ITGB5: variants seen among roughly 807,000 people sequenced by gnomAD.
ITGB5 encodes integrin subunit beta 5.
In ITGB5, 38 loss-of-function variants were observed where a neutral mutation model predicts 84.8. The ratio of observed to expected loss-of-function variants is 0.45; its 90% CI spans 0.35 to 0.59. The LOEUF (loss-of-function observed/expected upper bound fraction) is 0.59, where lower values mean the gene tolerates loss of function less well. ITGB5 is among the 20% of genes least tolerant of loss of function. The pLI is 0.01. For missense variants in ITGB5, 905 were observed against 1,034.5 expected (o/e 0.87, Z 1.72); for synonymous variants, 393 against 414.4 (o/e 0.95, Z 0.63).
intron 1 of ITGB5, among the ~76,000 whole-genome samples, chr3:124,900,322 T>C (rs1357805958): frequency 6.6e-6 from 1 of 152,190 alleles, no homozygotes; most frequent in Non-Finnish European, 1.5e-5. Flanking sequence ...TACTTCATAA[T>C]TATCGTGAGA....
chr3:124,764,222 G>A (rs2150918033), intron 14 of ITGB5, among the ~76,000 whole-genome samples, 169 bp downstream of exon 14: 1 of 152,294 alleles, frequency 6.6e-6, no homozygotes, highest in Admixed American at 6.5e-5. Context: ...ACTCTGCACT[G>A]GGGCTGTGCA....
At chr3:124,779,844 G>A (rs746791309) in intron 10 of ITGB5, among the ~76,000 whole-genome samples, 8 of 152,156 alleles carry the variant, frequency 5.3e-5, no homozygotes, top group Non-Finnish European at 1.2e-4. Flanking sequence ...GGTCTTTTTG[G>A]AGGATGTTCA....
At chr3:124,773,575 G>A in intron 11 of ITGB5, 115 bp downstream of exon 11, 2 of 854,540 alleles carry the variant, frequency 2.3e-6, no homozygotes, top group East Asian at 2.5e-5. Context: ...AGGCTTGCTG[G>A]GTGGGAGATG....
chr3:124,777,807 G>A (rs1181785009), intron 10 of ITGB5, among the ~76,000 whole-genome samples: 1 of 152,180 alleles, frequency 6.6e-6, no homozygotes, highest in Non-Finnish European at 1.5e-5. Flanking sequence ...AGCTACATAG[G>A]CCTGGTCACA....
At chr3:124,869,828 C>T (rs1276487341) in intron 2 of ITGB5, among the ~76,000 whole-genome samples, 1 of 152,118 alleles carries the variant, frequency 6.6e-6, no homozygotes, top group African/African-American at 2.4e-5. Context: ...TTACTGTCAG[C>T]ATCAGGAAGT....
At position 124,873,510 on chromosome 3, in the gene ITGB5, C is replaced by T. The variant is rs758160985; in HGVS notation, c.92G>A (p.Gly31Glu). Residue 31 changes from glycine (G) to glutamate (E), a missense_variant, in exon 2 of 15, where the codon GGA (glycine) becomes GAA (glutamate). Coordinates refer to ENST00000296181, the MANE Select transcript of ITGB5 (RefSeq NM_002213.5). ...RLAGLNICTS[G>E]SATSCEECLL... is the part of the protein sequence containing the mutation. Reference sequence around the variant, plus strand: ...ACATTCTTCACATGAGGTGGCACTTCCACTAGTGCATATGTTGAGACCTTT... The same window carrying T: ...ACATTCTTCACATGAGGTGGCACTTTCACTAGTGCATATGTTGAGACCTTT... 6.2e-7 allele frequency: 1 copy of T among 1,613,604 alleles called. No individual in the cohort carries two copies. The highest frequency in any genetic ancestry group is 1.7e-5 in the Admixed American group (1 of 60,000).
intron 1 of ITGB5, among the ~76,000 whole-genome samples, chr3:124,875,844 C>A (rs1443016944): frequency 3.3e-5 from 5 of 152,148 alleles, no homozygotes; most frequent in Non-Finnish European, 7.3e-5. Context: ...AAAATCCTGT[C>A]ATTTGGGACA....
intron 4 of ITGB5, among the ~76,000 whole-genome samples, chr3:124,844,708 G>C (rs566867493): frequency 1.3e-5 from 2 of 152,190 alleles, no homozygotes; most frequent in South Asian, 2.1e-4. Context: ...CACTGGAATA[G>C]GGCTGTCTGC....
intron 5 of ITGB5, among the ~76,000 whole-genome samples, chr3:124,834,126 G>A (rs1050144489): frequency 6.6e-5 from 10 of 152,132 alleles, no homozygotes; most frequent in African/African-American, 2.4e-4. Flanking sequence ...AAGCTACTCT[G>A]TGTGATATTT....
At position 124,776,245 on chromosome 3, in the gene ITGB5, T is replaced by TCCA. The variant is rs1270016178; in HGVS notation, c.1694-2336_1694-2334dup. On this transcript the variant is annotated intron_variant, in intron 10 of 14. Coordinates refer to ENST00000296181, the MANE Select transcript of ITGB5 (RefSeq NM_002213.5). ...GGAGAGGGCGGTCCTGCCCCTCCTC[T>TCCA]CCACCAGTCTGGGACCAGCACCACT... is the stretch of plus-strand genomic sequence containing the variant. Among the ~76,000 whole-genome samples, 3 of 152,088 alleles carry TCCA rather than the reference T, an allele frequency of 2.0e-5. No homozygotes were observed. The East Asian group carries it at 5.8e-4, about 29-fold the overall frequency.
At chr3:124,892,929 CG>C (rs1395952763) in intron 1 of ITGB5, among the ~76,000 whole-genome samples, 6 of 152,006 alleles carry the variant, frequency 3.9e-5, no homozygotes, top group African/African-American at 7.2e-5. Flanking sequence ...AAAAAGAGTT[CG>C]GGGCAGAAAA....
rs140277079 is a variant in ITGB5 at position 124,765,216 on chromosome 3, C to T, written c.2138-659G>A. On this transcript the variant is annotated intron_variant, in intron 13 of 14. Transcript: ENST00000296181. ...CTGCTCCACCCCTGCCTCCCTACCC[C>T]CAAGAAGAATGTAAGGGGTGATATC... is the stretch of plus-strand genomic sequence containing the variant. Among the ~76,000 whole-genome samples, 179 of 152,256 alleles carry T rather than the reference C, an allele frequency of 1.2e-3. 1 individual carries two copies. The highest frequency in any genetic ancestry group is 4.1e-3 in the African/African-American group (169 of 41,534).
chr3:124,898,892 G>A (rs1274933746), intron 1 of ITGB5, among the ~76,000 whole-genome samples: 2 of 151,020 alleles, frequency 1.3e-5, no homozygotes, highest in African/African-American at 2.4e-5. Flanking sequence ...CCTGACTAAC[G>A]TGGTGAAACC....
At position 124,764,554 on chromosome 3, in the gene ITGB5, C is replaced by T. The variant is rs1316902059; in HGVS notation, c.2141G>A (p.Cys714Tyr). 2 of 1,607,748 alleles carry T rather than the reference C, an allele frequency of 1.2e-6. No homozygotes were observed. Among genetic ancestry groups the T allele is most frequent in the Admixed American group, 1.7e-5 (1 of 59,910 alleles). The change falls in exon 14 of 15, where the codon TGT becomes TAT. Residue 714 changes from cysteine to tyrosine, a missense_variant. Transcript: ENST00000296181. ...SNLTVLREPE[C>Y]GNTPNAMTIL... The stretch of plus-strand genomic sequence containing the variant: ...GGTCATGGCGTTGGGGGTGTTTCCA[C>T]ACTCTGGGGGGACCAGAAGCATGGT...
chr3:124,821,859 C>G (rs1297451945), intron 5 of ITGB5, among the ~76,000 whole-genome samples: 1 of 150,034 alleles, frequency 6.7e-6, no homozygotes, highest in African/African-American at 2.5e-5. Context: ...AACTTTTAAC[C>G]TTTCCCCCAA....
intron 5 of ITGB5, among the ~76,000 whole-genome samples, chr3:124,822,489 T>C (rs2064722202): frequency 6.6e-6 from 1 of 152,212 alleles, no homozygotes; most frequent in Admixed American, 6.5e-5. Context: ...CATCCTCTCT[T>C]ACTTATCATC....
chr3:124,881,768 G>A (rs1056425679), intron 1 of ITGB5, among the ~76,000 whole-genome samples: 5 of 152,060 alleles, frequency 3.3e-5, no homozygotes, highest in Non-Finnish European at 5.9e-5. Context: ...AGGAGTTCAA[G>A]ACCAGCCTGG....
chr3:124,798,355 A>C (rs1579214167), intron 9 of ITGB5, among the ~76,000 whole-genome samples: 1 of 151,972 alleles, frequency 6.6e-6, no homozygotes, highest in Non-Finnish European at 1.5e-5. Context: ...CCAGTCATTA[A>C]AGCTAATTTT....
intron 10 of ITGB5, among the ~76,000 whole-genome samples, chr3:124,781,489 T>C (rs1419438036): frequency 6.6e-6 from 1 of 152,202 alleles, no homozygotes; most frequent in East Asian, 1.9e-4. Flanking sequence ...GTGTTGATTG[T>C]AGAAAAAGTA....
Sources: allele counts gnomAD v4.1 joint callset (sites outside exome capture counted in the v4.1 genomes callset), GRCh38; gene constraint gnomAD v4.1.1; transcripts MANE v1.5; gene names NCBI Gene and HGNC (gene_info 2026-07-23, HGNC 2026-07-21).